MACROD2: variants seen among roughly 807,000 people sequenced by gnomAD.
The protein encoded by MACROD2 is mono-ADP ribosylhydrolase 2.
MACROD2 carries 36 observed loss-of-function variants against 70.4 expected under a neutral mutation model. The observed-to-expected ratio is 0.51, with a 90% CI of 0.39 to 0.68. The LOEUF is 0.68. Ranked by LOEUF, MACROD2 falls within the 30% of genes least tolerant of loss-of-function variation. The pLI is 0.00. For synonymous variants in MACROD2, 172 were observed against 178.8 expected (o/e 0.96, Z 0.30); for missense variants, 496 against 538.4 (o/e 0.92, Z 0.78).
In MACROD2 at chr20:14,874,289, C is replaced by T. The variant is rs585714; in HGVS notation, c.418+189330C>T. 9.0e-3 allele frequency among the ~76,000 whole-genome samples: 1,183 copies of T among 131,420 alleles called. 18 individuals carry two copies. The highest frequency in any genetic ancestry group is 0.025 in the African/African-American group (958 of 39,040). 86.2% of individuals were successfully genotyped at this position (131,420 alleles called of 152,430 possible). Reference sequence around the variant, plus strand: ...AGGAAGGCAGTATCAAATGGAGATTCATTTATTTATTTATTTATTTATTTA... The same window carrying T: ...AGGAAGGCAGTATCAAATGGAGATTTATTTATTTATTTATTTATTTATTTA... On this transcript the variant is annotated intron_variant, in intron 5 of 17. Coordinates refer to ENST00000684519, the MANE Select transcript of MACROD2 (RefSeq NM_001351661.2).
chr20:14,814,748 T>A (rs1337024006), intron 5 of MACROD2, among the ~76,000 whole-genome samples: 2 of 151,970 alleles, frequency 1.3e-5, no homozygotes, highest in African/African-American at 4.8e-5. Flanking sequence ...ATCCTTGCCC[T>A]TGAAGTGCTG....
chr20:15,513,285 C>T (rs2047523689), intron 8 of MACROD2, among the ~76,000 whole-genome samples: 1 of 150,786 alleles, frequency 6.6e-6, no homozygotes, highest in Admixed American at 6.6e-5. Context: ...AAAGAAAATC[C>T]CCTGTTTTCT....
intron 5 of MACROD2, among the ~76,000 whole-genome samples, chr20:14,903,748 G>A (rs1222560675): frequency 5.9e-5 from 9 of 152,108 alleles, no homozygotes; most frequent in Admixed American, 2.6e-4. Flanking sequence ...AACTGTTCCC[G>A]GCCAGTAAGA....
intron 3 of MACROD2, chr20:14,324,878 T>A (rs1483193684): frequency 6.6e-6 from 1 of 152,484 alleles, no homozygotes; most frequent in African/African-American, 2.4e-5. Flanking sequence ...TTAACAGACT[T>A]CATGCTCCTT....
At chr20:15,524,977 C>T (rs1203940593) in intron 8 of MACROD2, among the ~76,000 whole-genome samples, 1 of 152,182 alleles carries the variant, frequency 6.6e-6, no homozygotes, top group Non-Finnish European at 1.5e-5. Context: ...GGCTATCTTA[C>T]AACTAAATGT....
intron 5 of MACROD2, among the ~76,000 whole-genome samples, chr20:14,873,837 C>T (rs1171404942): frequency 6.6e-6 from 1 of 151,962 alleles, no homozygotes; most frequent in Non-Finnish European, 1.5e-5. Context: ...CCAGCCTGGG[C>T]ACCAAGAACA....
At chr20:15,388,793 A>G (rs961957436) in intron 6 of MACROD2, among the ~76,000 whole-genome samples, 5 of 152,212 alleles carry the variant, frequency 3.3e-5, no homozygotes, top group African/African-American at 9.7e-5. Flanking sequence ...ATAGGCCAGC[A>G]TCACCCAAGA....
chr20:15,700,733 C>T (rs2050445484), intron 8 of MACROD2, among the ~76,000 whole-genome samples: 1 of 152,168 alleles, frequency 6.6e-6, no homozygotes. Flanking sequence ...AAAGTGCCTG[C>T]AAGCCATGGC....
At chr20:15,686,104 A>G (rs74600128) in intron 8 of MACROD2, among the ~76,000 whole-genome samples, 9,478 of 152,264 alleles carry the variant, frequency 0.062, 1,014 homozygotes, top group African/African-American at 0.22. Flanking sequence ...GAGTTGGCCC[A>G]AAGACAATGA....
chr20:14,586,310 T>C (rs1600418674), intron 4 of MACROD2, among the ~76,000 whole-genome samples: 1 of 152,154 alleles, frequency 6.6e-6, no homozygotes, highest in African/African-American at 2.4e-5. Context: ...TGCATATTCT[T>C]TGAATAAATG....
At chr20:14,716,549 C>T (rs1368676952) in intron 5 of MACROD2, among the ~76,000 whole-genome samples, 2 of 152,118 alleles carry the variant, frequency 1.3e-5, no homozygotes, top group Non-Finnish European at 2.9e-5. Context: ...TAAAATCCAC[C>T]GTGGTTCTTT....
At chr20:15,648,659 A>G (rs2049590262) in intron 8 of MACROD2, among the ~76,000 whole-genome samples, 1 of 152,214 alleles carries the variant, frequency 6.6e-6, no homozygotes, top group African/African-American at 2.4e-5. Flanking sequence ...AAATGTGCTC[A>G]TTAAATAAAG....
chr20:15,120,490 A>G (rs778812105), intron 5 of MACROD2, among the ~76,000 whole-genome samples: 11 of 152,194 alleles, frequency 7.2e-5, no homozygotes, highest in Non-Finnish European at 1.3e-4. Flanking sequence ...CCAGCACTCT[A>G]CATGCAGCCA....
At chr20:15,021,256 A>ACACGTGTGTGTATACG (rs1555774728) in intron 5 of MACROD2, among the ~76,000 whole-genome samples, 2 of 83,806 alleles carry the variant, frequency 2.4e-5, no homozygotes, top group East Asian at 3.4e-4. Flanking sequence ...GTATGTATAC[A>ACACGTGTGTGTATACG]CACACCTGTG....
chr20:15,042,396 A>G (rs749994047), intron 5 of MACROD2, among the ~76,000 whole-genome samples: 1 of 152,238 alleles, frequency 6.6e-6, no homozygotes, highest in Non-Finnish European at 1.5e-5. Flanking sequence ...GTAATGCTCA[A>G]TCATTTCCAG....
intron 4 of MACROD2, among the ~76,000 whole-genome samples, chr20:14,582,512 C>G (rs138685692): frequency 5.6e-4 from 85 of 152,118 alleles, no homozygotes; most frequent in African/African-American, 1.9e-3. Context: ...AACTGTGCAG[C>G]AAACATTTTA....
chr20:14,555,452 G>C (rs973106638), intron 4 of MACROD2, among the ~76,000 whole-genome samples: 11 of 151,862 alleles, frequency 7.2e-5, no homozygotes, highest in African/African-American at 2.4e-4. Flanking sequence ...TACTTATTTA[G>C]CATTTTCTGA....
intron 3 of MACROD2, among the ~76,000 whole-genome samples, chr20:14,218,850 G>A (rs2081646074): frequency 6.6e-6 from 1 of 152,220 alleles, no homozygotes; most frequent in South Asian, 2.1e-4. Flanking sequence ...TGAGGAGGCT[G>A]AAGATAAGTC....
chr20:14,124,054 CTA>C (rs2054616211), intron 3 of MACROD2, among the ~76,000 whole-genome samples: 1 of 151,742 alleles, frequency 6.6e-6, no homozygotes, highest in Non-Finnish European at 1.5e-5. Flanking sequence ...TTCTCTTGAA[CTA>C]TGTTTTCTTT....
Sources: allele counts gnomAD v4.1 joint callset (sites outside exome capture counted in the v4.1 genomes callset), GRCh38; gene constraint gnomAD v4.1.1; transcripts MANE v1.5; gene names NCBI Gene and HGNC (gene_info 2026-07-23, HGNC 2026-07-21).